The following FRMPD2 variants were observed in gnomAD, a reference collection of about 807,000 sequenced individuals.
FRMPD2 encodes FERM and PDZ domain containing 2.
In FRMPD2, 96 loss-of-function variants were observed where a neutral mutation model predicts 140.1. The ratio of observed to expected loss-of-function variants is 0.69; its 90% confidence interval spans 0.58 to 0.81. The LOEUF is 0.81. Ranked by LOEUF, FRMPD2 falls within the 40% of genes least tolerant of loss-of-function variation. The probability of loss-of-function intolerance (pLI) is 0.00; values close to 1 mark genes in which losing one functional copy is unlikely to be tolerated. For missense variants in FRMPD2, 1,240 were observed against 1,447.4 expected, an observed-to-expected ratio of 0.86 and a Z score of 2.32; for synonymous variants, 449 against 547.6, an observed-to-expected ratio of 0.82 and a Z score of 2.52.
At chr10:48,197,187 T>C (rs142221957) in intron 15 of FRMPD2, among the ~76,000 whole-genome samples, 1 of 152,296 alleles carries the variant, frequency 6.6e-6, no homozygotes, top group Non-Finnish European at 1.5e-5. Flanking sequence ...TGTTTCCCAG[T>C]TGACCCCAAC....
At chr10:48,268,347 C>G (rs1840712523) in intron 1 of FRMPD2, among the ~76,000 whole-genome samples, 1 of 152,144 alleles carries the variant, frequency 6.6e-6, no homozygotes, top group South Asian at 2.1e-4. Flanking sequence ...AAGAGAAAAA[C>G]TAAACATACT....
chr10:48,223,164 G>A lies in FRMPD2; in HGVS notation c.1275C>T (p.Phe425=), dbSNP rs768872781. Residue 425 remains phenylalanine (F), a synonymous_variant, in exon 11 of 29, where the codon TTC becomes TTT. Coordinates refer to ENST00000374201, the MANE Select transcript of FRMPD2 (RefSeq NM_001018071.4). ...GGCTGACAAAGAACTTTATCCTCAGGAAGAGTGTGAAGGTATTCATGGAGG... is the reference window on the plus strand; with the variant it reads ...GGCTGACAAAGAACTTTATCCTCAGAAAGAGTGTGAAGGTATTCATGGAGG... The part of the protein sequence containing the change: ...QKTSMNTFTL[F]LRIKFFVSHY... 6.2e-7 allele frequency: 1 copy of A among 1,614,032 alleles called. No homozygotes were observed. Among genetic ancestry groups the A allele is most frequent in the East Asian group, 2.2e-5 (1 of 44,888 alleles).
At chr10:48,273,543 C>T (rs1270915282) in intron 1 of FRMPD2, among the ~76,000 whole-genome samples, 4 of 152,160 alleles carry the variant, frequency 2.6e-5, no homozygotes, top group African/African-American at 9.7e-5. Context: ...TTCCAATCCC[C>T]CTGCTCCCAA....
intron 12 of FRMPD2, among the ~76,000 whole-genome samples, chr10:48,213,026 G>A (rs1839364778): frequency 6.6e-6 from 1 of 152,180 alleles, no homozygotes; most frequent in Admixed American, 6.5e-5. Flanking sequence ...TCCAGTTGAG[G>A]GCAGTTACTC....
At position 48,206,798 on chromosome 10, in the gene FRMPD2, T is replaced by A. The variant is rs149378669; in HGVS notation, c.1747A>T (p.Ile583Phe). ...CTCCACTGAAACCGTAACATTGCAA[T>A]TCTGCTGTTGTTTTTCACTTCATAG... ...IVYEVKNNSR[I>F]AMLRFQWRET... Residue 583 changes from isoleucine (I) to phenylalanine (F), a missense_variant, in exon 14 of 29, where the codon ATT becomes TTT. By Grantham distance (21) the Ile-to-Phe change is conservative. This residue lies in a region of FRMPD2 where 1,161 missense variants were observed against 1,055.9 expected (regional missense o/e 1.10). Coordinates refer to ENST00000374201, the MANE Select transcript of FRMPD2 (RefSeq NM_001018071.4). The A allele has an allele frequency of 6.2e-7, 1 of 1,614,072 alleles. No individual in the cohort carries two copies. Among genetic ancestry groups the A allele is most frequent in the East Asian group, 2.2e-5 (1 of 44,888 alleles).
intron 27 of FRMPD2, among the ~76,000 whole-genome samples, chr10:48,166,581 TGCTTCATTAACGATGGCCCAA>T (rs1838105672): frequency 8.4e-6 from 1 of 119,606 alleles, no homozygotes; most frequent in Non-Finnish European, 1.8e-5. Context: ...CCTCCACTTC[TGCTTCATTAACGATGGCCCAA>T]GCACACTTGT....
chr10:48,241,013 G>A (rs1315234298), intron 5 of FRMPD2, among the ~76,000 whole-genome samples: 1 of 152,190 alleles, frequency 6.6e-6, no homozygotes, highest in African/African-American at 2.4e-5. Context: ...GATCCCTGAC[G>A]GAAATGTTGC....
chr10:48,197,103 G>A (rs767654961), intron 15 of FRMPD2, among the ~76,000 whole-genome samples: 4 of 152,174 alleles, frequency 2.6e-5, no homozygotes, highest in Non-Finnish European at 5.9e-5. Context: ...TGTTCATCTG[G>A]TTCTGCTGCA....
chr10:48,248,861 T>C, intron 3 of FRMPD2, 160 bp downstream of exon 3: 2 of 527,648 alleles, frequency 3.8e-6, no homozygotes, highest in Non-Finnish European at 6.4e-6. Flanking sequence ...AGTAAGTTGT[T>C]GACAAGAAAT....
intron 21 of FRMPD2, 77 bp from the exon 22 acceptor site, chr10:48,178,228 G>A: frequency 9.2e-7 from 1 of 1,084,578 alleles, no homozygotes; most frequent in Non-Finnish European, 1.4e-6. Flanking sequence ...GCTCTCAGGA[G>A]CAGGCAGCAT....
intron 9 of FRMPD2, among the ~76,000 whole-genome samples, chr10:48,235,308 G>A (rs146363570): frequency 5.4e-4 from 82 of 152,328 alleles, no homozygotes; most frequent in Middle Eastern, 3.4e-3. Context: ...GTGGGTGCCC[G>A]TCAGCGTGTG....
intron 1 of FRMPD2, among the ~76,000 whole-genome samples, chr10:48,253,647 A>G (rs1840433934): frequency 6.6e-6 from 1 of 152,222 alleles, no homozygotes; most frequent in Non-Finnish European, 1.5e-5. Context: ...CTATTCACAT[A>G]AACAAAAATT....
chr10:48,194,232 A>G (rs1838902999), intron 15 of FRMPD2, among the ~76,000 whole-genome samples: 1 of 152,210 alleles, frequency 6.6e-6, no homozygotes, highest in Non-Finnish European at 1.5e-5. Context: ...TACCCAATTT[A>G]AAGATCATGG....
chr10:48,200,938 A>T (rs1839071786), intron 15 of FRMPD2, among the ~76,000 whole-genome samples: 1 of 152,228 alleles, frequency 6.6e-6, no homozygotes, highest in Admixed American at 6.5e-5. Context: ...GTCTATCTAC[A>T]AGTAAAATTA....
At chr10:48,199,193 A>G (rs913998488) in intron 15 of FRMPD2, among the ~76,000 whole-genome samples, 1 of 151,536 alleles carries the variant, frequency 6.6e-6, no homozygotes, top group African/African-American at 2.4e-5. Flanking sequence ...ATCACATAAT[A>G]TTCCCATTTA....
In FRMPD2 at chr10:48,192,791, C is replaced by A. The variant is rs1233982833; in HGVS notation, c.2058G>T (p.Leu686Phe). ...IQRLSCSENE[L>F]FVSRLQGAAG... ...CAGCACCCTGAAGCCTGGATACAAA[C>A]AACTCGTTTTCTGAGCATGACAATC... The change falls in exon 16 of 29, where the codon TTG (leucine) becomes TTT (phenylalanine). Residue 686 changes from leucine to phenylalanine, a missense_variant. By Grantham distance (22) the Leu-to-Phe change is conservative. Coordinates refer to ENST00000374201, the MANE Select transcript of FRMPD2 (RefSeq NM_001018071.4). The A allele has an allele frequency of 6.2e-7, 1 of 1,614,140 alleles. No individual in the cohort carries two copies. The highest frequency in any genetic ancestry group is 8.5e-7 in the Non-Finnish European group (1 of 1,180,006).
At position 48,257,318 on chromosome 10, in the gene FRMPD2, C is replaced by T. The variant is rs117922733; in HGVS notation, c.26-5627G>A. 1.3e-4 allele frequency among the ~76,000 whole-genome samples: 19 copies of T among 151,672 alleles called. 1 individual carries two copies. In the East Asian group the frequency reaches 2.5e-3, roughly 20 times the overall value. On this transcript the variant is annotated intron_variant, in intron 1 of 28. Transcript: ENST00000374201. ...TATTTGAGGCAGAGTTTCATTCTCT[C>T]GCCCTGGCTGGAGTGTAGTGGCGTG...
At chr10:48,188,116 A>T (rs1838734612) in intron 16 of FRMPD2, among the ~76,000 whole-genome samples, 1 of 152,198 alleles carries the variant, frequency 6.6e-6, no homozygotes, top group Non-Finnish European at 1.5e-5. Flanking sequence ...ACAGCCAAAC[A>T]TCTGAGCAGA....
At chr10:48,158,129 A>G (rs1216114805) in intron 28 of FRMPD2, among the ~76,000 whole-genome samples, 1 of 151,478 alleles carries the variant, frequency 6.6e-6, no homozygotes, top group Non-Finnish European at 1.5e-5. Flanking sequence ...CTGCCTGGAC[A>G]GAGACCTAGG....
Sources: allele counts gnomAD v4.1 joint callset (sites outside exome capture counted in the v4.1 genomes callset), GRCh38; gene constraint gnomAD v4.1.1; regional missense constraint gnomAD v4.1.1; transcripts MANE v1.5; gene names NCBI Gene and HGNC (gene_info 2026-07-23, HGNC 2026-07-21).